Variants in NBAS observed in about 807,000 individuals in gnomAD.
The protein encoded by NBAS is NBAS subunit of NRZ tethering complex, also known as NAG/BC035112 fusion.
In NBAS, 219 loss-of-function variants were observed where a neutral mutation model predicts 302.5. That is an observed-to-expected ratio of 0.72 (90% CI 0.65 to 0.81). The LOEUF (loss-of-function observed/expected upper bound fraction) is 0.81, where lower values mean the gene tolerates loss of function less well. NBAS is among the 30% of genes least tolerant of loss of function. NBAS has a pLI of 0.00. For missense variants in NBAS, 2,932 were observed against 2,841.6 expected, an observed-to-expected ratio of 1.03 and a Z score of -0.72; for synonymous variants, 1,118 against 1,021.6, an observed-to-expected ratio of 1.09 and a Z score of -1.80.
At chr2:15,072,764 T>C in the NBAS span, among the ~76,000 whole-genome samples, 3 of 152,224 alleles carry the variant, frequency 2.0e-5, no homozygotes, top group African/African-American at 7.2e-5. Flanking sequence ...ATTTTATGTT[T>C]ATCTTATGTA....
chr2:15,440,691 G>A (rs146663859), intron 21 of NBAS, among the ~76,000 whole-genome samples: 1 of 152,166 alleles, frequency 6.6e-6, no homozygotes, highest in Non-Finnish European at 1.5e-5. Context: ...GAAGGCTTCA[G>A]ATGATCCAAC....
chr2:15,274,058 G>C (rs917547270), intron 44 of NBAS, among the ~76,000 whole-genome samples: 1 of 151,786 alleles, frequency 6.6e-6, no homozygotes, highest in African/African-American at 2.4e-5. Context: ...CCAGCCTGGG[G>C]GACAGAGCGA....
the NBAS span, among the ~76,000 whole-genome samples, chr2:14,788,503 T>A: frequency 6.6e-6 from 1 of 152,176 alleles, no homozygotes; most frequent in Non-Finnish European, 1.5e-5. Flanking sequence ...GTTTTTGGTG[T>A]GGATGTCCTT....
At chr2:15,005,457 T>A in the NBAS span, among the ~76,000 whole-genome samples, 1 of 152,192 alleles carries the variant, frequency 6.6e-6, no homozygotes. Context: ...TACTTTACAG[T>A]CAGAATAACT....
downstream of NBAS, among the ~76,000 whole-genome samples, chr2:15,164,620 G>A (rs1663971441): frequency 6.6e-6 from 1 of 152,138 alleles, no homozygotes; most frequent in Non-Finnish European, 1.5e-5. Flanking sequence ...GGCAGCCCTT[G>A]CTTATTCTGA....
At chr2:14,845,095 G>T in the NBAS span, among the ~76,000 whole-genome samples, 5 of 152,282 alleles carry the variant, frequency 3.3e-5, no homozygotes, top group Non-Finnish European at 4.4e-5. Context: ...GCAGGCTTGA[G>T]TGAGACCCAG....
rs1391019161 is a variant in NBAS at position 15,309,047 on chromosome 2, AAAT to A, written c.4659+121_4659+123del. The stretch of plus-strand genomic sequence containing the variant: ...TAAATACATAAATAAATAAATAAAT[AAAT>A]AAAAGAAAAAAAAGAAACAGGAGGA... On this transcript the variant is annotated intron_variant, in intron 39 of 51. Coordinates refer to ENST00000281513, the MANE Select transcript of NBAS (RefSeq NM_015909.4). 7.3e-4 allele frequency: 315 copies of A among 432,486 alleles called. 4 individuals are homozygous for A. The highest frequency in any genetic ancestry group is 6.0e-3 in the African/African-American group (280 of 46,750). 26.8% of individuals were successfully genotyped at this position (432,486 alleles called of 1,614,324 possible).
rs139856532 is a variant in NBAS, at chr2:15,539,277, T to G, written c.459A>C (p.Thr153=). The part of the protein sequence containing the change: ...DCTLLAYAES[T]GTVRVFDLMG... ...TGAGATCAAACACCCTCACAGTTCCTGTGCTTTCGGCATAGGCCAGTAGGG... is the reference window on the plus strand; with the variant it reads ...TGAGATCAAACACCCTCACAGTTCCGGTGCTTTCGGCATAGGCCAGTAGGG... The change falls in exon 7 of 52, where the codon ACA becomes ACC. Residue 153 remains threonine, a synonymous_variant. Coordinates refer to ENST00000281513, the MANE Select transcript of NBAS (RefSeq NM_015909.4). 38 of 1,614,234 alleles carry G rather than the reference T, an allele frequency of 2.4e-5. No individual in the cohort carries two copies. The highest frequency in any genetic ancestry group is 1.6e-4 in the Middle Eastern group (1 of 6,062).
chr2:15,556,920 G>T (rs564707429), intron 2 of NBAS, 101 bp from the exon 3 acceptor site: 1 of 906,460 alleles, frequency 1.1e-6, no homozygotes, highest in East Asian at 2.5e-5. Flanking sequence ...ACTACAGAGC[G>T]AGTCATTAAA....
At chr2:14,784,822 G>T in the NBAS span, among the ~76,000 whole-genome samples, 114 of 152,234 alleles carry the variant, frequency 7.5e-4, 1 homozygote, top group Middle Eastern at 3.4e-3. Context: ...GGTTCCATAT[G>T]AACTTTAAAG....
chr2:14,785,969 T>C, the NBAS span, among the ~76,000 whole-genome samples: 2 of 152,210 alleles, frequency 1.3e-5, no homozygotes, highest in Non-Finnish European at 2.9e-5. Flanking sequence ...ATTTAGTTGG[T>C]AAGCTATTGA....
the NBAS span, among the ~76,000 whole-genome samples, chr2:14,863,402 T>A: frequency 6.6e-6 from 1 of 152,104 alleles, no homozygotes; most frequent in Non-Finnish European, 1.5e-5. Flanking sequence ...TGATTATCTG[T>A]TGTCAGCAGG....
the NBAS span, among the ~76,000 whole-genome samples, chr2:14,804,771 A>G: frequency 6.6e-6 from 1 of 152,252 alleles, no homozygotes; most frequent in Non-Finnish European, 1.5e-5. Flanking sequence ...TAATTCAGAT[A>G]GGTGTATGTA....
the NBAS span, among the ~76,000 whole-genome samples, chr2:15,001,823 A>G: frequency 6.6e-6 from 1 of 152,078 alleles, no homozygotes. Context: ...CTTCGCGGTG[A>G]GTGTTACAGC....
At chr2:15,422,164 C>A (rs931987075) in intron 23 of NBAS, among the ~76,000 whole-genome samples, 4 of 152,164 alleles carry the variant, frequency 2.6e-5, no homozygotes, top group Admixed American at 6.5e-5. Context: ...AAGCCCTGAT[C>A]TTTTCACTGA....
intron 21 of NBAS, among the ~76,000 whole-genome samples, chr2:15,434,847 G>C (rs958316717): frequency 5.3e-5 from 8 of 152,136 alleles, no homozygotes; most frequent in African/African-American, 1.7e-4. Context: ...ATACAGGGGA[G>C]ACCCAAAAGT....
At chr2:15,426,388 A>C (rs1226408131) in intron 22 of NBAS, among the ~76,000 whole-genome samples, 1 of 152,226 alleles carries the variant, frequency 6.6e-6, no homozygotes, top group Non-Finnish European at 1.5e-5. Context: ...TCAAAGCAAT[A>C]GGCTTGAATT....
intron 48 of NBAS, among the ~76,000 whole-genome samples, chr2:15,192,426 T>C (rs1665403609): frequency 6.6e-6 from 1 of 151,984 alleles, no homozygotes; most frequent in African/African-American, 2.4e-5. Flanking sequence ...ACAAATGGAG[T>C]TGCCATAAAT....
intron 44 of NBAS, among the ~76,000 whole-genome samples, chr2:15,238,923 G>A (rs537006871): frequency 6.6e-6 from 1 of 152,246 alleles, no homozygotes; most frequent in South Asian, 2.1e-4. Flanking sequence ...CAGGTAAAGT[G>A]ATGAAACTAG....
Sources: allele counts gnomAD v4.1 joint callset (sites outside exome capture counted in the v4.1 genomes callset), GRCh38; gene constraint gnomAD v4.1.1; transcripts MANE v1.5; gene names NCBI Gene and HGNC (gene_info 2026-07-23, HGNC 2026-07-21).